The following PTPRT variants were observed in gnomAD, a reference collection of about 807,000 sequenced individuals.
PTPRT encodes protein tyrosine phosphatase receptor type T.
Under a neutral mutation model 176.8 loss-of-function variants are expected in PTPRT, and 56 were observed. The observed-to-expected ratio is 0.32, with a 90% CI of 0.26 to 0.40. The LOEUF (loss-of-function observed/expected upper bound fraction) is 0.40, where lower values mean the gene tolerates loss of function less well. PTPRT is among the 10% of genes least tolerant of loss of function. PTPRT has a pLI of 1.00. For synonymous variants in PTPRT, 783 were observed against 739.0 expected (o/e 1.06, Z -0.96); for missense variants, 1,540 against 1,908.2 (o/e 0.81, Z 3.60).
chr20:42,659,859 C>T (rs533588689), intron 7 of PTPRT, among the ~76,000 whole-genome samples: 39 of 152,282 alleles, frequency 2.6e-4, no homozygotes, highest in Admixed American at 9.8e-4. Flanking sequence ...TCGCCACCAC[C>T]TTTCCCCCAT....
chr20:42,537,693 T>G (rs895159976), intron 7 of PTPRT, among the ~76,000 whole-genome samples: 2 of 152,164 alleles, frequency 1.3e-5, no homozygotes, highest in African/African-American at 4.8e-5. Flanking sequence ...ATACTAGGTA[T>G]TGGGGATGCA....
chr20:42,397,193 A>G (rs901894549), intron 9 of PTPRT, among the ~76,000 whole-genome samples: 3 of 152,256 alleles, frequency 2.0e-5, no homozygotes, highest in Non-Finnish European at 4.4e-5. Context: ...TGTTTGGTGA[A>G]TAAATGAAAA....
intron 2 of PTPRT, among the ~76,000 whole-genome samples, chr20:42,843,687 C>G (rs1422219318): frequency 6.6e-6 from 1 of 152,146 alleles, no homozygotes; most frequent in Non-Finnish European, 1.5e-5. Context: ...GGGGCCATGC[C>G]CATGGTTGTA....
At chr20:42,312,788 T>C (rs952083423) in intron 12 of PTPRT, among the ~76,000 whole-genome samples, 1 of 147,602 alleles carries the variant, frequency 6.8e-6, no homozygotes, top group Non-Finnish European at 1.5e-5. Context: ...ATGAGGCAGT[T>C]TCAGAGTGAG....
chr20:42,579,370 C>T (rs1309998917), intron 7 of PTPRT, among the ~76,000 whole-genome samples: 11 of 152,148 alleles, frequency 7.2e-5, no homozygotes, highest in South Asian at 4.1e-4. Flanking sequence ...AATAAACATG[C>T]GTGTGCATGT....
intron 2 of PTPRT, among the ~76,000 whole-genome samples, chr20:42,819,736 T>C (rs1230398269): frequency 7.1e-6 from 1 of 140,122 alleles, no homozygotes; most frequent in South Asian, 2.2e-4. Flanking sequence ...AAAATAAAAA[T>C]AAAAATAAAA....
At chr20:42,941,379 G>A (rs1218152101) in intron 1 of PTPRT, among the ~76,000 whole-genome samples, 1 of 152,114 alleles carries the variant, frequency 6.6e-6, no homozygotes, top group Admixed American at 6.6e-5. Context: ...CTCAATAAAT[G>A]TCAGTTCCAA....
chr20:42,232,593 C>G (rs1235749829), intron 15 of PTPRT, among the ~76,000 whole-genome samples: 2 of 151,736 alleles, frequency 1.3e-5, no homozygotes, highest in Non-Finnish European at 2.9e-5. Context: ...CTCCATGGCT[C>G]TCTCTCAATC....
intron 7 of PTPRT, among the ~76,000 whole-genome samples, chr20:42,628,424 C>G (rs2074337913): frequency 6.6e-6 from 1 of 152,140 alleles, no homozygotes; most frequent in African/African-American, 2.4e-5. Flanking sequence ...ATCCCTATAG[C>G]TAGGGAGAGC....
chr20:42,837,031 C>T (rs1424764612), intron 2 of PTPRT, among the ~76,000 whole-genome samples: 2 of 152,182 alleles, frequency 1.3e-5, no homozygotes, highest in African/African-American at 4.8e-5. Flanking sequence ...GCATGGTTTC[C>T]CTAATGACAG....
intron 7 of PTPRT, among the ~76,000 whole-genome samples, chr20:42,547,355 G>A (rs939397942): frequency 1.3e-5 from 2 of 151,778 alleles, no homozygotes; most frequent in African/African-American, 4.8e-5. Context: ...TAGTCTGAGT[G>A]ACATAAACTT....
chr20:42,891,261 T>C (rs536461152), intron 1 of PTPRT, among the ~76,000 whole-genome samples: 1 of 152,060 alleles, frequency 6.6e-6, no homozygotes, highest in African/African-American at 2.4e-5. Context: ...TCTACCCCCA[T>C]CCCAGGAGCT....
intron 9 of PTPRT, among the ~76,000 whole-genome samples, chr20:42,423,755 T>C (rs2059140586): frequency 6.6e-6 from 1 of 152,220 alleles, no homozygotes; most frequent in Non-Finnish European, 1.5e-5. Flanking sequence ...TATGTGAATG[T>C]CACATAAGGT....
At chr20:42,229,406 ATT>A (rs1259407463) in intron 15 of PTPRT, among the ~76,000 whole-genome samples, 1 of 152,226 alleles carries the variant, frequency 6.6e-6, no homozygotes. Context: ...AGTAATTGAT[ATT>A]TAGCAACTTT....
chr20:42,194,223 G>A lies in PTPRT; in HGVS notation c.2491+5017C>T, dbSNP rs576127276. On this transcript the variant is annotated intron_variant, in intron 16 of 30. Coordinates refer to ENST00000373187, the MANE Select transcript of PTPRT (RefSeq NM_007050.6). The stretch of plus-strand genomic sequence containing the variant: ...TTGAAACTACCTCTCTCCCCAGACC[G>A]TGCCACATGGCTTACAGCACAGGGG... Among the ~76,000 whole-genome samples the A allele has an allele frequency of 7.9e-5, 12 of 152,254 alleles. No individual in the cohort carries two copies. The South Asian group carries it at 1.2e-3, about 16-fold the overall frequency.
intron 6 of PTPRT, among the ~76,000 whole-genome samples, chr20:42,694,039 T>TA (rs2075832208): frequency 8.1e-5 from 8 of 98,288 alleles, no homozygotes; most frequent in South Asian, 6.3e-4. Context: ...TATTTTATTT[T>TA]CTTTTTTTTT....
intron 1 of PTPRT, among the ~76,000 whole-genome samples, chr20:42,993,482 ATGTG>A (rs1358497011): frequency 1.0e-5 from 1 of 95,642 alleles, no homozygotes; most frequent in Non-Finnish European, 2.2e-5. Flanking sequence ...ATACACATAT[ATGTG>A]TGTGTATATA....
At chr20:42,881,678 T>C (rs1230771649) in intron 2 of PTPRT, among the ~76,000 whole-genome samples, 2 of 120,992 alleles carry the variant, frequency 1.7e-5, no homozygotes, top group African/African-American at 3.3e-5. Context: ...TGAGCTGAGA[T>C]AACGCCACAG....
intron 7 of PTPRT, among the ~76,000 whole-genome samples, chr20:42,537,927 T>C (rs2072505355): frequency 6.6e-6 from 1 of 152,172 alleles, no homozygotes; most frequent in South Asian, 2.1e-4. Flanking sequence ...ATCCTGCTGC[T>C]CCAAATATGT....
Sources: allele counts gnomAD v4.1 joint callset (sites outside exome capture counted in the v4.1 genomes callset), GRCh38; gene constraint gnomAD v4.1.1; transcripts MANE v1.5; gene names NCBI Gene and HGNC (gene_info 2026-07-23, HGNC 2026-07-21).